STXBP5L: variants seen among roughly 807,000 people sequenced by gnomAD.
The protein encoded by STXBP5L is syntaxin binding protein 5L, also known as syntaxin-binding protein 5-like.
STXBP5L carries 65 observed loss-of-function variants against 144.5 expected under a neutral mutation model. The ratio of observed to expected loss-of-function variants is 0.45; its 90% CI spans 0.37 to 0.55. STXBP5L has a LOEUF of 0.55. Among genes scored for constraint, STXBP5L ranks in the 20% least tolerant of loss-of-function variants. The pLI, the probability that STXBP5L is intolerant of heterozygous loss-of-function variation, is 0.00. For synonymous variants in STXBP5L, 505 were observed against 469.6 expected, an observed-to-expected ratio of 1.08 and a Z score of -0.97; for missense variants, 1,298 against 1,405.5, an observed-to-expected ratio of 0.92 and a Z score of 1.22.
At chr3:121,091,057 C>T (rs1320210051) in intron 5 of STXBP5L, among the ~76,000 whole-genome samples, 6 of 150,618 alleles carry the variant, frequency 4.0e-5, no homozygotes, top group Non-Finnish European at 8.8e-5. Context: ...TGATAGTTTA[C>T]TGAGAATGAT....
intron 23 of STXBP5L, among the ~76,000 whole-genome samples, chr3:121,411,525 G>A (rs1228329231): frequency 3.3e-5 from 5 of 152,088 alleles, no homozygotes; most frequent in Admixed American, 1.3e-4. Flanking sequence ...AAACTGGCTC[G>A]AAAAACAGTA....
intron 14 of STXBP5L, among the ~76,000 whole-genome samples, chr3:121,246,464 T>C (rs2108351767): frequency 6.6e-6 from 1 of 152,344 alleles, no homozygotes; most frequent in Non-Finnish European, 1.5e-5. Flanking sequence ...ATTCTGTATA[T>C]TAAATCTATG....
chr3:121,355,748 C>T (rs774002152), intron 20 of STXBP5L, among the ~76,000 whole-genome samples: 2 of 152,138 alleles, frequency 1.3e-5, no homozygotes, highest in Non-Finnish European at 2.9e-5. Context: ...GAGCTGCAAT[C>T]CTTGGGAGGA....
chr3:121,112,464 T>C (rs1172597978), intron 5 of STXBP5L, among the ~76,000 whole-genome samples: 1 of 152,134 alleles, frequency 6.6e-6, no homozygotes, highest in Non-Finnish European at 1.5e-5. Flanking sequence ...CTGTGGGTTG[T>C]GCCAACTGCC....
intron 20 of STXBP5L, among the ~76,000 whole-genome samples, chr3:121,354,125 T>C (rs954366803): frequency 6.6e-6 from 1 of 152,194 alleles, no homozygotes; most frequent in Non-Finnish European, 1.5e-5. Context: ...TTAGAATAAG[T>C]GCAATGTGGT....
intron 11 of STXBP5L, among the ~76,000 whole-genome samples, chr3:121,227,373 A>T (rs534368242): frequency 1.3e-3 from 199 of 152,250 alleles, no homozygotes; most frequent in Non-Finnish European, 2.4e-3. Flanking sequence ...TGAGCTCAGG[A>T]TTTCAAGACC....
intron 3 of STXBP5L, among the ~76,000 whole-genome samples, chr3:121,027,805 G>C (rs1455427592): frequency 6.6e-6 from 1 of 152,042 alleles, no homozygotes; most frequent in Admixed American, 6.6e-5. Context: ...AAAGGTTTCA[G>C]GGATCAGGAC....
At chr3:121,012,216 AT>A (rs1944825800) in intron 3 of STXBP5L, among the ~76,000 whole-genome samples, 1 of 151,846 alleles carries the variant, frequency 6.6e-6, no homozygotes, top group African/African-American at 2.4e-5. Flanking sequence ...ACAGTAGTTG[AT>A]GGATACTTGG....
chr3:120,948,063 A>G (rs1710970545), intron 2 of STXBP5L, among the ~76,000 whole-genome samples: 1 of 151,760 alleles, frequency 6.6e-6, no homozygotes, highest in African/African-American at 2.4e-5. Context: ...TTACATTTCT[A>G]ACAGCAATGT....
rs144516007 is a variant in STXBP5L at position 121,144,466 on chromosome 3, C to T, written c.670-8011C>T. 2.7e-3 allele frequency among the ~76,000 whole-genome samples: 405 copies of T among 151,778 alleles called. 4 individuals are homozygous for T. The highest frequency in any genetic ancestry group is 9.1e-3 in the African/African-American group (378 of 41,486). On this transcript the variant is annotated intron_variant, in intron 7 of 26. Coordinates refer to ENST00000471454, the MANE Select transcript of STXBP5L (RefSeq NM_001308330.2). The stretch of plus-strand genomic sequence containing the variant: ...ATTATTATGTGTATGTATTTTAAAC[C>T]GAAAGACACCTTTTGACAAGGATGT...
chr3:120,967,169 G>A (rs188538829), intron 3 of STXBP5L, among the ~76,000 whole-genome samples: 145 of 152,216 alleles, frequency 9.5e-4, no homozygotes, highest in Non-Finnish European at 1.7e-3. Context: ...GCAGTATTTG[G>A]TCGGGGAGTG....
chr3:120,933,773 A>G (rs1201455476), intron 2 of STXBP5L, among the ~76,000 whole-genome samples: 1 of 152,140 alleles, frequency 6.6e-6, no homozygotes, highest in Non-Finnish European at 1.5e-5. Flanking sequence ...GGGAGGAACT[A>G]TGATAGTGGA....
chr3:121,054,448 G>C (rs1948292524), intron 5 of STXBP5L, among the ~76,000 whole-genome samples: 1 of 152,030 alleles, frequency 6.6e-6, no homozygotes, highest in African/African-American at 2.4e-5. Flanking sequence ...TAGGGACATG[G>C]ATTAAACTGG....
At position 121,042,348 on chromosome 3, in the gene STXBP5L, A is replaced by G. The variant is rs1021511702; in HGVS notation, c.369+567A>G. ...GGAACTCTCTAAAAACAAAATATGTATTTATGAAGCTCAGAGAGGTTGCAG... is the reference window on the plus strand; with the variant it reads ...GGAACTCTCTAAAAACAAAATATGTGTTTATGAAGCTCAGAGAGGTTGCAG... On this transcript the variant is annotated intron_variant, in intron 4 of 26. Transcript: ENST00000471454. 2.6e-5 allele frequency among the ~76,000 whole-genome samples: 4 copies of G among 152,182 alleles called. No homozygotes were observed. The East Asian group carries it at 5.8e-4, about 22-fold the overall frequency.
chr3:120,974,974 C>G lies in STXBP5L; in HGVS notation c.287+19937C>G, dbSNP rs368068008. On this transcript the variant is annotated intron_variant, in intron 3 of 26. Transcript: ENST00000471454. ...TGTAGTATAGTTTGAAGTCGGGTAGCGTGATGCCTCCAGCTTTGTTCTTTT... is the reference window on the plus strand; with the variant it reads ...TGTAGTATAGTTTGAAGTCGGGTAGGGTGATGCCTCCAGCTTTGTTCTTTT... Among the ~76,000 whole-genome samples, 8 of 152,158 alleles carry G rather than the reference C, an allele frequency of 5.3e-5. No homozygotes were observed. The South Asian group carries it at 1.2e-3, about 24-fold the overall frequency.
At chr3:121,095,229 C>T (rs1342676415) in intron 5 of STXBP5L, among the ~76,000 whole-genome samples, 1 of 152,168 alleles carries the variant, frequency 6.6e-6, no homozygotes, top group African/African-American at 2.4e-5. Flanking sequence ...TTTTTTCCTT[C>T]ATTTCAACTT....
chr3:121,308,657 T>G (rs1302612694), intron 19 of STXBP5L, among the ~76,000 whole-genome samples: 3 of 152,152 alleles, frequency 2.0e-5, no homozygotes, highest in Non-Finnish European at 4.4e-5. Context: ...AGTAAACAGA[T>G]TATTCCAGAT....
chr3:121,079,230 C>A (rs984755704), intron 5 of STXBP5L, among the ~76,000 whole-genome samples: 4 of 152,260 alleles, frequency 2.6e-5, no homozygotes, highest in African/African-American at 9.6e-5. Context: ...TTTTAAACAT[C>A]TTAAGGTGGG....
chr3:121,183,572 A>G (rs188965324), intron 9 of STXBP5L, among the ~76,000 whole-genome samples: 21 of 151,648 alleles, frequency 1.4e-4, no homozygotes, highest in African/African-American at 5.1e-4. Flanking sequence ...AAAGAGAGAA[A>G]GAAAAATTGA....
Sources: allele counts gnomAD v4.1 joint callset (sites outside exome capture counted in the v4.1 genomes callset), GRCh38; gene constraint gnomAD v4.1.1; transcripts MANE v1.5; gene names NCBI Gene and HGNC (gene_info 2026-07-23, HGNC 2026-07-21).